The following FDFT1 variants were observed in gnomAD, a reference collection of about 807,000 sequenced individuals.
The protein encoded by FDFT1 is squalene synthase.
Under a neutral mutation model 46.8 loss-of-function variants are expected in FDFT1, and 68 were observed. That is an observed-to-expected ratio of 1.45 (90% confidence interval 1.19 to 1.78). The LOEUF (loss-of-function observed/expected upper bound fraction) is 1.78. Among genes scored for constraint, FDFT1 ranks in the 40% most tolerant of loss-of-function variants. The pLI, the probability that FDFT1 is intolerant of heterozygous loss-of-function variation, is 0.00. For missense variants in FDFT1, 928 were observed against 524.4 expected, an observed-to-expected ratio of 1.77 and a Z score of -7.52; for synonymous variants, 351 against 185.1, an observed-to-expected ratio of 1.90 and a Z score of -7.28.
At chr8:11,809,067 C>T (rs1322802515) in intron 2 of FDFT1, 176 bp downstream of exon 2, 23 of 1,302,660 alleles carry the variant, frequency 1.8e-5, no homozygotes, top group Non-Finnish European at 2.3e-5. Flanking sequence ...GGCTCTTTGC[C>T]ATCTAGTAGA....
At chr8:11,809,913 C>G in intron 3 of FDFT1, 63 bp downstream of exon 3, 1 of 1,280,160 alleles carries the variant, frequency 7.8e-7, no homozygotes, top group Non-Finnish European at 1.1e-6. Flanking sequence ...CGTGGTTGTC[C>G]GGTAGCCTCC....
intron 1 of FDFT1, chr8:11,808,498 C>G (rs566379578): frequency 9.8e-6 from 13 of 1,329,316 alleles, no homozygotes; most frequent in Admixed American, 3.8e-5. Context: ...AGGAAAAACT[C>G]CGCGGGGTCC....
At chr8:11,835,372 T>C (rs1000704385) in intron 7 of FDFT1, among the ~76,000 whole-genome samples, 1 of 152,214 alleles carries the variant, frequency 6.6e-6, no homozygotes, top group South Asian at 2.1e-4. Context: ...AGTCCACGTC[T>C]GAGTACCAGT....
intron 1 of FDFT1, among the ~76,000 whole-genome samples, chr8:11,806,197 C>T (rs995928520): frequency 1.3e-5 from 2 of 152,114 alleles, no homozygotes; most frequent in East Asian, 1.9e-4. Context: ...CTCTAAATTC[C>T]CTCCATCCCT....
chr8:11,838,809 C>T lies in FDFT1; in HGVS notation c.*200C>T, dbSNP rs1034244834. ...GGAAAGGGTGCCTCATCCCAGCAACCTGTCCTTGTGGGTGATGATCACTGT... is the reference window on the plus strand; with the variant it reads ...GGAAAGGGTGCCTCATCCCAGCAACTTGTCCTTGTGGGTGATGATCACTGT... On this transcript the variant is annotated 3_prime_UTR_variant, in exon 8 of 8. Transcript: ENST00000220584. 2 of 584,900 alleles carry T rather than the reference C, an allele frequency of 3.4e-6. No individual in the cohort carries two copies. Among genetic ancestry groups the T allele is most frequent in the African/African-American group, 1.9e-5 (1 of 53,762 alleles). The allele number at this position is 584,900 out of a possible 1,614,324, so 36.2% of individuals were successfully genotyped here.
chr8:11,800,205 G>C (rs368486958), upstream of FDFT1, among the ~76,000 whole-genome samples: 20 of 134,704 alleles, frequency 1.5e-4, no homozygotes, highest in East Asian at 3.0e-3. Context: ...AGGTGGCAGT[G>C]AACCGAGACT....
At chr8:11,807,638 A>C (rs560633727) in intron 1 of FDFT1, among the ~76,000 whole-genome samples, 8 of 152,384 alleles carry the variant, frequency 5.2e-5, no homozygotes, top group Non-Finnish European at 8.8e-5. Context: ...TCTTTCTGAT[A>C]TGCTTGCATT....
chr8:11,812,998 T>C (rs538532080), intron 3 of FDFT1, among the ~76,000 whole-genome samples: 3 of 152,006 alleles, frequency 2.0e-5, no homozygotes, highest in African/African-American at 7.3e-5. Context: ...CAAGATGGCA[T>C]AGCTACTACA....
intron 4 of FDFT1, among the ~76,000 whole-genome samples, chr8:11,822,235 G>A (rs562152690): frequency 1.3e-5 from 2 of 152,312 alleles, no homozygotes; most frequent in South Asian, 2.1e-4. Flanking sequence ...CATCACTTCT[G>A]TGGAAGTAAA....
In FDFT1 at chr8:11,839,024, A is replaced by G. The variant is rs141358091; in HGVS notation, c.*415A>G. On this transcript the variant is annotated 3_prime_UTR_variant, in exon 8 of 8. Coordinates refer to ENST00000220584, the MANE Select transcript of FDFT1 (RefSeq NM_004462.5). ...TGAATTTTCTTTCTGTTCGGCTCCTATTTTTCTCATCATTTTGTTTTCTTT... is the reference window on the plus strand; with the variant it reads ...TGAATTTTCTTTCTGTTCGGCTCCTGTTTTTCTCATCATTTTGTTTTCTTT... 473 of 172,678 alleles carry G rather than the reference A, an allele frequency of 2.7e-3. No individual in the cohort carries two copies. The highest frequency in any genetic ancestry group is 3.9e-3 in the Non-Finnish European group (307 of 79,732). The allele number at this position is 172,678 out of a possible 1,614,324, so 10.7% of individuals were successfully genotyped here.
At chr8:11,820,927 C>A (rs531341442) in intron 3 of FDFT1, among the ~76,000 whole-genome samples, 5 of 152,338 alleles carry the variant, frequency 3.3e-5, no homozygotes, top group African/African-American at 7.2e-5. Flanking sequence ...GTTGGAAATG[C>A]AGAAATCACC....
At chr8:11,824,091 G>T (rs955961627) in intron 4 of FDFT1, among the ~76,000 whole-genome samples, 2 of 152,088 alleles carry the variant, frequency 1.3e-5, no homozygotes, top group African/African-American at 4.8e-5. Flanking sequence ...TAAAACTCTT[G>T]GGCTCAAGCA....
intron 5 of FDFT1, among the ~76,000 whole-genome samples, chr8:11,826,631 T>C (rs1810033580): frequency 6.6e-6 from 1 of 151,844 alleles, no homozygotes; most frequent in Non-Finnish European, 1.5e-5. Flanking sequence ...CTGGCCAACA[T>C]CGTGAAACCC....
At chr8:11,837,874 G>A (rs548096151) in intron 7 of FDFT1, among the ~76,000 whole-genome samples, 11 of 152,270 alleles carry the variant, frequency 7.2e-5, no homozygotes, top group East Asian at 1.9e-4. Flanking sequence ...GGCTTGTGGA[G>A]GAGTGGGGAG....
chr8:11,798,596 A>G (rs1349146833), upstream of FDFT1, among the ~76,000 whole-genome samples: 2 of 152,250 alleles, frequency 1.3e-5, no homozygotes, highest in Non-Finnish European at 2.9e-5. Flanking sequence ...TGTGATTACA[A>G]AACTGAGAGG....
At chr8:11,835,947 T>TA (rs1345700366) in intron 7 of FDFT1, among the ~76,000 whole-genome samples, 1 of 127,544 alleles carries the variant, frequency 7.8e-6, no homozygotes, top group Non-Finnish European at 1.6e-5. Flanking sequence ...CAGCCTGACT[T>TA]ATGTGATGAA....
At chr8:11,803,332 A>G in intron 1 of FDFT1, 2 of 1,293,736 alleles carry the variant, frequency 1.5e-6, no homozygotes, top group Non-Finnish European at 2.0e-6. Context: ...ATAACATCAC[A>G]TGAAGGCCGT....
upstream of FDFT1, among the ~76,000 whole-genome samples, chr8:11,800,918 G>C (rs986267067): frequency 3.3e-5 from 5 of 152,194 alleles, no homozygotes; most frequent in African/African-American, 4.8e-5. Context: ...GGGCTGTCCA[G>C]TGGTAGGGAC....
At chr8:11,795,807 A>C (rs1454293788) in exon 1 of FDFT1, 1 of 152,304 alleles carries the variant, frequency 6.6e-6, no homozygotes, top group East Asian at 1.9e-4. Flanking sequence ...GACGGTCTGC[A>C]GCTTCACTCC....
Sources: allele counts gnomAD v4.1 joint callset (sites outside exome capture counted in the v4.1 genomes callset), GRCh38; gene constraint gnomAD v4.1.1; transcripts MANE v1.5; gene names NCBI Gene and HGNC (gene_info 2026-07-23, HGNC 2026-07-21).